Variants in IRAG1 observed in about 807,000 individuals in gnomAD.
IRAG1 encodes the protein IP3R-associated cGMP kinase substrate.
Under a neutral mutation model 106.2 loss-of-function variants are expected in IRAG1, and 62 were observed. The ratio of observed to expected loss-of-function variants is 0.58; its 90% CI spans 0.48 to 0.72. The LOEUF is 0.72. Ranked by LOEUF, IRAG1 falls within the 30% of genes least tolerant of loss-of-function variation. The pLI, the probability that IRAG1 is intolerant of heterozygous loss-of-function variation, is 0.00. For synonymous variants in IRAG1, 462 were observed against 443.9 expected, an observed-to-expected ratio of 1.04 and a Z score of -0.51; for missense variants, 1,064 against 1,140.7, an observed-to-expected ratio of 0.93 and a Z score of 0.97.
chr11:10,626,142 C>A lies in IRAG1; in HGVS notation c.1192G>T (p.Gly398Cys). 6.5e-7 allele frequency: 1 copy of A among 1,537,328 alleles called. No homozygotes were observed. The highest frequency in any genetic ancestry group is 8.8e-7 in the Non-Finnish European group (1 of 1,141,568). The change falls in exon 9 of 21, where the codon GGC (glycine) becomes TGC (cysteine). Residue 398 changes from glycine to cysteine, a missense_variant. By Grantham distance (159) the Gly-to-Cys change is radical. Transcript: ENST00000423302. ...AGCCGGGGGCCAGGTTCTTCAGGGC[C>A]ACTGTCCCAGGAGAGCCCTCGCAGC... ...PLLRGLSWDS[G>C]PEEPGPRLQK...
At chr11:10,670,284 A>G (rs1860116172) in intron 1 of IRAG1, among the ~76,000 whole-genome samples, 1 of 152,212 alleles carries the variant, frequency 6.6e-6, no homozygotes, top group South Asian at 2.1e-4. Context: ...AGTACTTTAA[A>G]GCCGGCAGTG....
At chr11:10,680,397 G>GAGGGAAGGAAAGAAAGA (rs1861110502) in intron 1 of IRAG1, among the ~76,000 whole-genome samples, 1 of 51,192 alleles carries the variant, frequency 2.0e-5, no homozygotes, top group Admixed American at 1.5e-4. Flanking sequence ...AGGAAGGAAG[G>GAGGGAAGGAAAGAAAGA]AAGGAAGGAA....
intron 4 of IRAG1, among the ~76,000 whole-genome samples, chr11:10,631,703 G>C (rs1404673438): frequency 6.6e-6 from 1 of 152,200 alleles, no homozygotes. Flanking sequence ...AGCAGAGGCT[G>C]GAGGACTCTG....
intron 10 of IRAG1, among the ~76,000 whole-genome samples, chr11:10,615,028 T>C (rs1855284172): frequency 1.3e-5 from 2 of 152,086 alleles, no homozygotes; most frequent in South Asian, 4.1e-4. Flanking sequence ...ATTTTTGCAA[T>C]CTACTCATCT....
At chr11:10,591,652 A>G (rs1466150115) in intron 17 of IRAG1, 40 bp from the exon 18 acceptor site, 3 of 1,534,426 alleles carry the variant, frequency 2.0e-6, no homozygotes, top group South Asian at 2.4e-5. Context: ...AGGATGCGCT[A>G]TGGAAGGAAG....
chr11:10,601,420 G>A (rs901025637), intron 14 of IRAG1, among the ~76,000 whole-genome samples: 7 of 152,220 alleles, frequency 4.6e-5, no homozygotes, highest in African/African-American at 2.4e-5. Context: ...TTCAGGCCAG[G>A]GAACTCCAAG....
intron 12 of IRAG1, 69 bp downstream of exon 12, chr11:10,606,673 G>T: frequency 6.8e-7 from 1 of 1,470,392 alleles, no homozygotes. Flanking sequence ...GAGTCTGGAG[G>T]AAGAAATGTT....
chr11:10,580,669 T>C, intron 19 of IRAG1, 80 bp from the exon 20 acceptor site: 1 of 1,490,766 alleles, frequency 6.7e-7, no homozygotes, highest in Non-Finnish European at 9.1e-7. Flanking sequence ...GGGAGGGGAC[T>C]TGAGCAGCAC....
intron 16 of IRAG1, 124 bp from the exon 17 acceptor site, chr11:10,593,723 T>G: frequency 1.3e-6 from 1 of 759,152 alleles, no homozygotes; most frequent in East Asian, 2.7e-5. Context: ...ATTTTGGTTT[T>G]GCAGTAGCAA....
intron 1 of IRAG1, among the ~76,000 whole-genome samples, chr11:10,660,083 C>T (rs1859274910): frequency 6.6e-6 from 1 of 152,204 alleles, no homozygotes; most frequent in Non-Finnish European, 1.5e-5. Flanking sequence ...TAGAGAGTCA[C>T]TAAGCCTGAG....
intron 1 of IRAG1, among the ~76,000 whole-genome samples, chr11:10,680,360 A>G (rs1451154815): frequency 5.6e-5 from 4 of 71,404 alleles, no homozygotes; most frequent in South Asian, 1.2e-3. Context: ...AAAGAAAGAA[A>G]GAAAGAAAGA....
Position 10,637,336 on chromosome 11 carries a change from C to G in IRAG1, c.226-3265G>C, listed in dbSNP as rs138867704. Among the ~76,000 whole-genome samples the G allele has an allele frequency of 3.0e-3, 456 of 152,230 alleles. 4 individuals carry two copies. Among genetic ancestry groups the G allele is most frequent in the African/African-American group, 0.01 (429 of 41,528 alleles). ...GACTGGCTGACCTGTCCTCATGATCCCAGAGCTCCAGTCCCTCTGAGGACA... is the reference window on the plus strand; with the variant it reads ...GACTGGCTGACCTGTCCTCATGATCGCAGAGCTCCAGTCCCTCTGAGGACA... On this transcript the variant is annotated intron_variant, in intron 2 of 20. Transcript: ENST00000423302.
intron 2 of IRAG1, among the ~76,000 whole-genome samples, chr11:10,640,998 TA>T (rs944012817): frequency 1.2e-4 from 19 of 152,222 alleles, no homozygotes; most frequent in African/African-American, 4.3e-4. Context: ...GTACAACAGA[TA>T]ATTTTTAGTA....
chr11:10,671,204 T>C (rs551955452), intron 1 of IRAG1, among the ~76,000 whole-genome samples: 2 of 152,342 alleles, frequency 1.3e-5, no homozygotes, highest in South Asian at 2.1e-4. Flanking sequence ...ATTATCTCTA[T>C]TTGCAGGTGA....
At chr11:10,660,178 A>C (rs1042254168) in intron 1 of IRAG1, among the ~76,000 whole-genome samples, 6 of 152,260 alleles carry the variant, frequency 3.9e-5, no homozygotes, top group East Asian at 1.9e-4. Flanking sequence ...GTTCCAGCTC[A>C]TAAGAGTCTA....
At chr11:10,598,420 C>T (rs1316670874) in intron 15 of IRAG1, among the ~76,000 whole-genome samples, 2 of 152,174 alleles carry the variant, frequency 1.3e-5, no homozygotes, top group Non-Finnish European at 2.9e-5. Flanking sequence ...AATAGCAGAA[C>T]CAGAAAATAT....
At chr11:10,643,419 C>T (rs1295133333) in intron 2 of IRAG1, among the ~76,000 whole-genome samples, 1 of 152,192 alleles carries the variant, frequency 6.6e-6, no homozygotes, top group African/African-American at 2.4e-5. Flanking sequence ...GATCCTCTTT[C>T]CTGCCATTGT....
In IRAG1 at chr11:10,626,222, C is replaced by G; in HGVS notation, c.1112G>C (p.Gly371Ala). The part of the protein sequence containing the change: ...QGRGPAGEPM[G>A]PEAGSKAELP... ...CTCAGCTTTGGAGCCAGCCTCGGGCCCCATCGGCTCTCCAGCTGGGCCTCT... is the reference window on the plus strand; with the variant it reads ...CTCAGCTTTGGAGCCAGCCTCGGGCGCCATCGGCTCTCCAGCTGGGCCTCT... The change falls in exon 9 of 21, where the codon GGG becomes GCG. Residue 371 changes from glycine (G) to alanine (A), a missense_variant. Coordinates refer to ENST00000423302, the MANE Select transcript of IRAG1 (RefSeq NM_130385.4). 6.3e-7 allele frequency: 1 copy of G among 1,595,834 alleles called. No individual in the cohort carries two copies. The highest frequency in any genetic ancestry group is 2.2e-5 in the East Asian group (1 of 44,578).
At position 10,606,045 on chromosome 11, in the gene IRAG1, A is replaced by G. The variant is rs374090965; in HGVS notation, c.1602+697T>C. 2.8e-4 allele frequency among the ~76,000 whole-genome samples: 42 copies of G among 152,298 alleles called. No individual in the cohort carries two copies. In the East Asian group the frequency reaches 5.2e-3, roughly 19 times the overall value. On this transcript the variant is annotated intron_variant, in intron 12 of 20. Transcript: ENST00000423302. ...GTTAGGATCAGCTGAAAGGATGGCT[A>G]TGCGTGTGTTATAGACTGCAAGTGC...
Sources: gnomAD v4.1 joint callset for allele counts (sites outside exome capture counted in the v4.1 genomes callset) on GRCh38, gnomAD v4.1.1 for gene constraint, MANE v1.5 for transcripts, NCBI Gene and HGNC (gene_info 2026-07-23, HGNC 2026-07-21) for gene names.